The following MATK variants were observed in gnomAD, a reference collection of about 807,000 sequenced individuals.
The protein encoded by MATK is megakaryocyte-associated tyrosine kinase, also known as megakaryocyte-associated tyrosine-protein kinase.
MATK carries 41 observed loss-of-function variants against 59.8 expected under a neutral mutation model. That is an observed-to-expected ratio of 0.69 (90% CI 0.53 to 0.89). MATK has a LOEUF of 0.89. Ranked by LOEUF, MATK falls within the 40% of genes least tolerant of loss-of-function variation. The pLI is 0.00. For missense variants in MATK, 593 were observed against 719.6 expected (o/e 0.82, Z 2.01); for synonymous variants, 308 against 306.1 (o/e 1.01, Z -0.06).
intron 1 of MATK, among the ~76,000 whole-genome samples, chr19:3,794,277 C>T (rs934785504): frequency 1.3e-5 from 2 of 152,152 alleles, no homozygotes; most frequent in African/African-American, 2.4e-5. Flanking sequence ...ATGAGGGTAA[C>T]GACCAGCCCT....
rs200877833 is a variant in MATK, at chr19:3,797,299, ATT to A, written c.-58+4231_-58+4232del. 3.6e-3 allele frequency among the ~76,000 whole-genome samples: 428 copies of A among 120,562 alleles called. 3 individuals are homozygous for A. The highest frequency in any genetic ancestry group is 9.6e-3 in the African/African-American group (297 of 30,982). The allele number at this position is 120,562 out of a possible 152,430, so 79.1% of individuals were successfully genotyped here. A position where few individuals can be genotyped will look rare whatever the true frequency, so the allele number is the denominator to read the frequency against. ...ATTGACATTTTAATTTTGACTATTA[ATT>A]TTTTTTTTTTTTTGAGACAGGGTCT... On this transcript the variant is annotated intron_variant, in intron 1 of 13. Coordinates refer to the MATK transcript ENST00000395045.
chr19:3,792,252 C>G (rs539546597), intron 1 of MATK, among the ~76,000 whole-genome samples: 1 of 152,078 alleles, frequency 6.6e-6, no homozygotes, highest in East Asian at 1.9e-4. Flanking sequence ...AGGCAGGGCA[C>G]GATTCTTATT....
chr19:3,799,822 C>T (rs1313776955), intron 1 of MATK, among the ~76,000 whole-genome samples: 1 of 151,694 alleles, frequency 6.6e-6, no homozygotes, highest in East Asian at 1.9e-4. Context: ...GCCTGGGTGA[C>T]AGAGCGAGAC....
intron 12 of MATK, 28 bp downstream of exon 12, chr19:3,778,964 C>T (rs1306805696): frequency 2.0e-6 from 3 of 1,518,040 alleles, no homozygotes; most frequent in South Asian, 1.3e-5. Context: ...ACCCCAAAGC[C>T]CCAGGGGTAT....
upstream of MATK, among the ~76,000 whole-genome samples, chr19:3,790,714 G>A (rs748474707): frequency 6.6e-5 from 10 of 152,114 alleles, no homozygotes; most frequent in South Asian, 2.1e-4. Context: ...CTTCCCCGCC[G>A]TGTCCAGCTG....
At chr19:3,792,062 C>T (rs1047394885) in intron 1 of MATK, among the ~76,000 whole-genome samples, 44 of 150,658 alleles carry the variant, frequency 2.9e-4, no homozygotes, top group Admixed American at 5.3e-4. Flanking sequence ...GAGCCAAGAT[C>T]GCACCACTAT....
intron 1 of MATK, among the ~76,000 whole-genome samples, chr19:3,791,911 C>G (rs1325842988): frequency 6.6e-6 from 1 of 151,774 alleles, no homozygotes; most frequent in Non-Finnish European, 1.5e-5. Context: ...AGTTCAAGAC[C>G]AGCCTGGCCA....
Position 3,778,066 on chromosome 19 carries a change from T to C in MATK, c.*117A>G. ...GCCCCCTACGTGGGCCAGCCCCTGC[T>C]GTGGGCACCAGGAGGATGACTTGCC... On this transcript the variant is annotated 3_prime_UTR_variant, in exon 14 of 14. Coordinates refer to ENST00000310132, the MANE Select transcript of MATK (RefSeq NM_139355.3). 7.0e-7 allele frequency: 1 copy of C among 1,427,600 alleles called. No homozygotes were observed. The highest frequency in any genetic ancestry group is 9.2e-7 in the Non-Finnish European group (1 of 1,086,152). The allele number at this position is 1,427,600 out of a possible 1,614,324, so 88.4% of individuals were successfully genotyped here. A position where few individuals can be genotyped will look rare whatever the true frequency, so the allele number is the denominator to read the frequency against.
At chr19:3,793,627 G>A (rs1388642553) in intron 1 of MATK, among the ~76,000 whole-genome samples, 9 of 151,938 alleles carry the variant, frequency 5.9e-5, no homozygotes, top group South Asian at 2.1e-4. Flanking sequence ...GCGTGAACCC[G>A]GGAGGCAGAG....
Position 3,785,264 on chromosome 19 carries a change from C to T in MATK, c.-129G>A. 6.5e-7 allele frequency: 1 copy of T among 1,539,332 alleles called. No homozygotes were observed. The highest frequency in any genetic ancestry group is 8.7e-7 in the Non-Finnish European group (1 of 1,146,330). On this transcript the variant is annotated 5_prime_UTR_variant, in exon 2 of 14. Coordinates refer to ENST00000310132, the MANE Select transcript of MATK (RefSeq NM_139355.3). ...AGGTAGGGAGCTGGGTGCCACTGGA[C>T]CGAGCCTGGTTCTTCCTGTTTTCTG...
intron 1 of MATK, among the ~76,000 whole-genome samples, chr19:3,797,245 C>CG (rs1411900316): frequency 7.3e-6 from 1 of 136,528 alleles, no homozygotes; most frequent in African/African-American, 2.7e-5. Flanking sequence ...CCCACCCCCC[C>CG]ACTTTCTACT....
At chr19:3,793,665 G>A (rs2037565382) in intron 1 of MATK, among the ~76,000 whole-genome samples, 1 of 150,344 alleles carries the variant, frequency 6.7e-6, no homozygotes, top group Non-Finnish European at 1.5e-5. Flanking sequence ...TCACGCCACT[G>A]CACTCCAGCC....
rs896036837 is a variant in MATK, at chr19:3,781,726, T to C, written c.677-54A>G. 8.5e-6 allele frequency: 12 copies of C among 1,415,972 alleles called. No homozygotes were observed. In the Admixed American group the frequency reaches 1.7e-4, roughly 20 times the overall value. 87.7% of individuals were successfully genotyped at this position (1,415,972 alleles called of 1,614,324 possible). On this transcript the variant is annotated intron_variant, in intron 7 of 13. Transcript: ENST00000310132. ...TAATGGGCCCCCTAAATCCTCCCAT[T>C]GGGGGTTCTACTTGGTGAGAGACTA...
intron 11 of MATK, 30 bp downstream of exon 11, chr19:3,779,348 G>C (rs1240810515): frequency 6.2e-7 from 1 of 1,610,504 alleles, no homozygotes; most frequent in Non-Finnish European, 8.5e-7. Flanking sequence ...GACGACCCCA[G>C]TGCCGCAGCA....
chr19:3,788,600 CAG>C (rs2037511985), upstream of MATK, among the ~76,000 whole-genome samples: 1 of 113,144 alleles, frequency 8.8e-6, no homozygotes, highest in African/African-American at 3.4e-5. Flanking sequence ...GCCTGGGCAA[CAG>C]AGTGAGACTC....
At chr19:3,793,619 G>A (rs991810277) in intron 1 of MATK, among the ~76,000 whole-genome samples, 16 of 151,120 alleles carry the variant, frequency 1.1e-4, no homozygotes, top group Non-Finnish European at 2.1e-4. Context: ...GGAGAATGGC[G>A]TGAACCCGGG....
At chr19:3,782,912 G>A (rs751869918) in intron 7 of MATK, 210 of 563,038 alleles carry the variant, frequency 3.7e-4, no homozygotes, top group Non-Finnish European at 6.5e-4. Flanking sequence ...GGATGATGGT[G>A]ACAGATGAGT....
chr19:3,787,169 A>G (rs887328302), upstream of MATK, among the ~76,000 whole-genome samples: 1 of 151,898 alleles, frequency 6.6e-6, no homozygotes, highest in African/African-American at 2.4e-5. Context: ...GTCTCACTCT[A>G]TCCCCTGGGC....
upstream of MATK, among the ~76,000 whole-genome samples, chr19:3,790,800 A>T (rs1319937161): frequency 6.6e-6 from 1 of 152,124 alleles, no homozygotes; most frequent in African/African-American, 2.4e-5. Context: ...GGACATCCCC[A>T]TACTTCCTAG....
Sources: allele counts gnomAD v4.1 joint callset (sites outside exome capture counted in the v4.1 genomes callset), GRCh38; gene constraint gnomAD v4.1.1; transcripts MANE v1.5; gene names NCBI Gene and HGNC (gene_info 2026-07-23, HGNC 2026-07-21).